Variants in ADCY2 observed in about 807,000 individuals in gnomAD.
The protein encoded by ADCY2 is adenylate cyclase type 2.
A neutral mutation model predicts 125.2 loss-of-function variants in ADCY2; 31 were observed. The observed-to-expected ratio is 0.25, with a 90% CI of 0.19 to 0.33. The LOEUF is 0.33. ADCY2 is among the 10% of genes least tolerant of loss of function. The pLI is 1.00. For synonymous variants in ADCY2, 512 were observed against 548.4 expected (o/e 0.93, Z 0.93); for missense variants, 904 against 1,418.2 (o/e 0.64, Z 5.82).
At chr5:7,796,517 A>C (rs1744427035) in intron 20 of ADCY2, 1 of 152,242 alleles carries the variant, frequency 6.6e-6, no homozygotes, top group South Asian at 2.1e-4. Context: ...TAATCGCTGT[A>C]ACAATCAATT....
chr5:7,721,074 T>A (rs1429159935), intron 12 of ADCY2, among the ~76,000 whole-genome samples: 1 of 152,232 alleles, frequency 6.6e-6, no homozygotes, highest in East Asian at 1.9e-4. Context: ...TCCTGACTTT[T>A]TAATGATCGT....
At chr5:7,755,152 G>A (rs74926968) in intron 15 of ADCY2, among the ~76,000 whole-genome samples, 4,161 of 152,244 alleles carry the variant, frequency 0.027, 195 homozygotes, top group African/African-American at 0.095. Flanking sequence ...TTCTGTTGCC[G>A]GTGATCAGAT....
Position 7,820,616 on chromosome 5 carries a change from A to C in ADCY2, c.3050A>C (p.Gln1017Pro). 1.2e-6 allele frequency: 2 copies of C among 1,614,162 alleles called. No homozygotes were observed. The highest frequency in any genetic ancestry group is 1.7e-6 in the Non-Finnish European group (2 of 1,180,002). ...GGTGTGATTGGAGCTCAGAAGCCAC[A>C]ATATGATATCTGGGGCAACACTGTC... ...IAGVIGAQKP[Q>P]YDIWGNTVNV... The change falls in exon 24 of 25, where the codon CAA (glutamine) becomes CCA (proline). Residue 1017 changes from glutamine to proline, a missense_variant. Physicochemically the swap from Gln to Pro is moderately conservative, Grantham distance 76. Coordinates refer to ENST00000338316, the MANE Select transcript of ADCY2 (RefSeq NM_020546.3).
At chr5:7,673,739 G>C (rs1243653027) in intron 4 of ADCY2, among the ~76,000 whole-genome samples, 1 of 152,162 alleles carries the variant, frequency 6.6e-6, no homozygotes, top group East Asian at 1.9e-4. Flanking sequence ...GGCAAGAGGT[G>C]GGGGACAGGG....
At chr5:7,442,405 G>A (rs1741046445) in intron 2 of ADCY2, among the ~76,000 whole-genome samples, 1 of 152,132 alleles carries the variant, frequency 6.6e-6, no homozygotes, top group Non-Finnish European at 1.5e-5. Flanking sequence ...TGTAAACTGA[G>A]CGGTACCTCT....
intron 3 of ADCY2, among the ~76,000 whole-genome samples, chr5:7,528,516 T>G (rs2126542514): frequency 6.6e-6 from 1 of 152,252 alleles, no homozygotes; most frequent in African/African-American, 2.4e-5. Context: ...TATCATAACA[T>G]GAATTTCTCT....
chr5:7,439,718 G>C (rs1211140611), intron 2 of ADCY2, among the ~76,000 whole-genome samples: 1 of 152,160 alleles, frequency 6.6e-6, no homozygotes, highest in Admixed American at 6.5e-5. Context: ...AAGTTCCAGA[G>C]TCCATATTTT....
intron 3 of ADCY2, among the ~76,000 whole-genome samples, chr5:7,538,637 C>T (rs1336254029): frequency 2.0e-5 from 3 of 151,942 alleles, no homozygotes; most frequent in South Asian, 2.1e-4. Flanking sequence ...ATTTAAACAT[C>T]AAGCAAGATA....
chr5:7,525,880 C>G (rs1335525427), intron 3 of ADCY2, among the ~76,000 whole-genome samples: 4 of 152,172 alleles, frequency 2.6e-5, no homozygotes, highest in Non-Finnish European at 5.9e-5. Context: ...CTGCCATCCC[C>G]TCCTCATGCA....
intron 22 of ADCY2, among the ~76,000 whole-genome samples, chr5:7,816,539 C>T (rs1477174252): frequency 6.6e-6 from 1 of 152,240 alleles, no homozygotes; most frequent in Non-Finnish European, 1.5e-5. Flanking sequence ...AAGAAGGCGC[C>T]AGCCCCTCCT....
chr5:7,450,653 T>G (rs1741438880), intron 2 of ADCY2, among the ~76,000 whole-genome samples: 1 of 152,230 alleles, frequency 6.6e-6, no homozygotes, highest in Non-Finnish European at 1.5e-5. Flanking sequence ...CCTTCTGTTA[T>G]AAGAAGATGT....
chr5:7,666,895 G>A (rs1011669178), intron 4 of ADCY2, among the ~76,000 whole-genome samples: 2 of 152,172 alleles, frequency 1.3e-5, no homozygotes, highest in Non-Finnish European at 2.9e-5. Context: ...TTACAAAACA[G>A]CTACCAAGGT....
chr5:7,693,404 C>CTTTTTTTTTTTTTT (rs1561170612), intron 5 of ADCY2, among the ~76,000 whole-genome samples: 9 of 75,748 alleles, frequency 1.2e-4, no homozygotes, highest in Non-Finnish European at 2.4e-4. Context: ...CAATTGCCTG[C>CTTTTTTTTTTTTTT]TGTTTTTTGT....
intron 2 of ADCY2, among the ~76,000 whole-genome samples, chr5:7,489,345 G>T (rs1213146131): frequency 6.6e-6 from 1 of 152,148 alleles, no homozygotes; most frequent in Non-Finnish European, 1.5e-5. Flanking sequence ...CTTACATATT[G>T]AGTGTTGCAG....
In ADCY2 at chr5:7,578,985, T is replaced by C. The variant is rs28446138; in HGVS notation, c.571-47182T>C. On this transcript the variant is annotated intron_variant, in intron 3 of 24. Transcript: ENST00000338316. ...CCACTCAGACATATCTCCTATTGAA[T>C]TGAGAAAGTCATTGTCTTTAAATAT... Among the ~76,000 whole-genome samples the C allele has an allele frequency of 5.3e-3, 805 of 152,292 alleles. 2 individuals are homozygous for C. The highest frequency in any genetic ancestry group is 0.018 in the African/African-American group (756 of 41,558).
intron 4 of ADCY2, among the ~76,000 whole-genome samples, chr5:7,651,166 C>A (rs1213704126): frequency 6.6e-6 from 1 of 152,062 alleles, no homozygotes; most frequent in Non-Finnish European, 1.5e-5. Flanking sequence ...TCCGAGGCAC[C>A]AAAGATAGAG....
chr5:7,633,158 C>T lies in ADCY2; in HGVS notation c.720+6842C>T, dbSNP rs548236905. Reference sequence around the variant, plus strand: ...AAAAAATGGACATTTTGGCAGGGCGCGGTGGCTCATGCCTGTAATCCCAGC... The same window carrying T: ...AAAAAATGGACATTTTGGCAGGGCGTGGTGGCTCATGCCTGTAATCCCAGC... On this transcript the variant is annotated intron_variant, in intron 4 of 24. Coordinates refer to ENST00000338316, the MANE Select transcript of ADCY2 (RefSeq NM_020546.3). 1.1e-4 allele frequency among the ~76,000 whole-genome samples: 16 copies of T among 151,980 alleles called. No individual in the cohort carries two copies. The East Asian group carries it at 2.1e-3, about 20-fold the overall frequency.
intron 4 of ADCY2, chr5:7,685,164 C>G (rs946830159): frequency 6.6e-6 from 1 of 152,310 alleles, no homozygotes; most frequent in African/African-American, 2.4e-5. Context: ...GCCATCTGGA[C>G]TTGCAGTCTT....
In ADCY2 at chr5:7,660,662, C is replaced by T. The variant is rs554817318; in HGVS notation, c.721-30029C>T. Among the ~76,000 whole-genome samples, 10 of 152,210 alleles carry T rather than the reference C, an allele frequency of 6.6e-5. No individual in the cohort carries two copies. In the South Asian group the frequency reaches 2.1e-3, roughly 32 times the overall value. ...TTACAGTTTGGAGGTAGAATTCTTT[C>T]TTCTTCAGGGGATCTCAGTCTTCAC... On this transcript the variant is annotated intron_variant, in intron 4 of 24. Transcript: ENST00000338316.
Sources: gnomAD v4.1 joint callset for allele counts (sites outside exome capture counted in the v4.1 genomes callset) on GRCh38, gnomAD v4.1.1 for gene constraint, MANE v1.5 for transcripts, NCBI Gene and HGNC (gene_info 2026-07-23, HGNC 2026-07-21) for gene names.